Variants in CRIM1 observed in about 807,000 individuals in gnomAD.
The protein encoded by CRIM1 is cysteine rich transmembrane BMP regulator 1.
A neutral mutation model predicts 116.4 loss-of-function variants in CRIM1; 32 were observed. The ratio of observed to expected loss-of-function variants is 0.27; its 90% CI spans 0.21 to 0.37. CRIM1 has a LOEUF of 0.37. CRIM1 is among the 10% of genes least tolerant of loss of function. The pLI, the probability that CRIM1 is intolerant of heterozygous loss-of-function variation, is 1.00. For missense variants in CRIM1, 1,331 were observed against 1,354.8 expected, an observed-to-expected ratio of 0.98 and a Z score of 0.28; for synonymous variants, 590 against 509.2, an observed-to-expected ratio of 1.16 and a Z score of -2.13.
At chr2:36,444,808 A>G (rs954498654) in intron 4 of CRIM1, among the ~76,000 whole-genome samples, 1 of 151,990 alleles carries the variant, frequency 6.6e-6, no homozygotes, top group Admixed American at 6.6e-5. Context: ...AGTTGCCACT[A>G]CCTCTTCCCG....
chr2:36,360,917 A>G (rs1669184480), intron 1 of CRIM1, among the ~76,000 whole-genome samples: 1 of 152,128 alleles, frequency 6.6e-6, no homozygotes, highest in African/African-American at 2.4e-5. Context: ...AGAAGTCCTT[A>G]GGTAGACAGG....
At chr2:36,540,731 G>T (rs531097732) in intron 14 of CRIM1, among the ~76,000 whole-genome samples, 8 of 152,264 alleles carry the variant, frequency 5.3e-5, no homozygotes, top group African/African-American at 1.9e-4. Flanking sequence ...TGTGTAACAG[G>T]GTGGTGTGCA....
At position 36,517,625 on chromosome 2, in the gene CRIM1, G is replaced by T. The variant is rs78975863; in HGVS notation, c.2206+83G>T. On this transcript the variant is annotated intron_variant, in intron 12 of 16. Transcript: ENST00000280527. ...GTCATTCTGTGGGACCCACAGGGCA[G>T]GATCAGCCCCATATGGGAGTGTGCC... 16 of 1,398,644 alleles carry T rather than the reference G, an allele frequency of 1.1e-5. No homozygotes were observed. The South Asian group carries it at 1.5e-4, about 13-fold the overall frequency. The allele number at this position is 1,398,644 out of a possible 1,614,324, so 86.6% of individuals were successfully genotyped here. A position where few individuals can be genotyped will look rare whatever the true frequency, so the allele number is the denominator to read the frequency against.
chr2:36,510,746 A>G (rs1664610842), intron 9 of CRIM1, among the ~76,000 whole-genome samples: 1 of 152,020 alleles, frequency 6.6e-6, no homozygotes, highest in Non-Finnish European at 1.5e-5. Flanking sequence ...CCAGGGGGGG[A>G]AATAGACACT....
intron 13 of CRIM1, chr2:36,529,077 G>A (rs1665945249): frequency 4.2e-6 from 2 of 470,798 alleles, no homozygotes; most frequent in South Asian, 3.1e-5. Flanking sequence ...GAGCTCTGCT[G>A]CACGGAAGTT....
chr2:36,510,943 T>TC (rs1407803190), intron 9 of CRIM1, among the ~76,000 whole-genome samples: 2 of 150,006 alleles, frequency 1.3e-5, no homozygotes, highest in African/African-American at 4.9e-5. Context: ...TTTTTTTTTT[T>TC]CAGGCAGGGT....
chr2:36,516,242 T>A (rs1665024326), intron 11 of CRIM1, among the ~76,000 whole-genome samples: 1 of 152,194 alleles, frequency 6.6e-6, no homozygotes, highest in Non-Finnish European at 1.5e-5. Context: ...AGATTTCAGC[T>A]CTGAGCATCT....
At chr2:36,466,681 C>G (rs1678061395) in intron 5 of CRIM1, among the ~76,000 whole-genome samples, 1 of 152,214 alleles carries the variant, frequency 6.6e-6, no homozygotes. Flanking sequence ...ATCTGCCTCA[C>G]AGAGGACACC....
intron 5 of CRIM1, among the ~76,000 whole-genome samples, chr2:36,469,257 C>A (rs372057021): frequency 2.8e-4 from 43 of 152,250 alleles, no homozygotes; most frequent in South Asian, 2.5e-3. Flanking sequence ...AAAGCAACTT[C>A]AGGGGGTTAT....
In CRIM1 at chr2:36,370,442, A is replaced by G. The variant is rs116617087; in HGVS notation, c.331+13819A>G. ...CAGCAACCAAGTTTATTGACTGTCT[A>G]TTCAGGAAATTGTATTAGTTGCTTT... On this transcript the variant is annotated intron_variant, in intron 1 of 16. Transcript: ENST00000280527. Among the ~76,000 whole-genome samples the G allele has an allele frequency of 2.4e-3, 360 of 152,274 alleles. 3 individuals are homozygous for G. The highest frequency in any genetic ancestry group is 8.3e-3 in the African/African-American group (344 of 41,560).
Position 36,464,664 on chromosome 2 carries a change from G to A in CRIM1, c.991+9G>A, listed in dbSNP as rs1337725083. 1.2e-6 allele frequency: 2 copies of A among 1,613,804 alleles called. No homozygotes were observed. Among genetic ancestry groups the A allele is most frequent in the African/African-American group, 1.3e-5 (1 of 75,032 alleles). On this transcript the variant is annotated intron_variant, in intron 5 of 16. Transcript: ENST00000280527. ...CTTTGAATGTGTTAATGGTACGTGGGGTTTCTCTTGTTCTCAGAGAGTGTA... is the reference window on the plus strand; with the variant it reads ...CTTTGAATGTGTTAATGGTACGTGGAGTTTCTCTTGTTCTCAGAGAGTGTA...
In CRIM1 at chr2:36,522,395, A is replaced by G. The variant is rs1665455304; in HGVS notation, c.2428+82A>G. 3.5e-6 allele frequency: 4 copies of G among 1,135,824 alleles called. No homozygotes were observed. The Admixed American group carries it at 7.0e-5, about 20-fold the overall frequency. 70.4% of individuals were successfully genotyped at this position (1,135,824 alleles called of 1,614,324 possible). On this transcript the variant is annotated intron_variant, in intron 13 of 16. Transcript: ENST00000280527. ...TGACAGCCATTTGCTAGATCAATTA[A>G]TATTTTTGAAACTGGTTTTTTCCCT...
Position 36,537,488 on chromosome 2 carries a change from C to G in CRIM1, c.2565C>G (p.Pro855=), listed in dbSNP as rs148256222. The G allele has an allele frequency of 1.4e-5, 23 of 1,614,084 alleles. No individual in the cohort carries two copies. The African/African-American group carries it at 2.7e-4, about 19-fold the overall frequency. ...GQTLCSTVSC[P]PLPCVEPINV... The stretch of plus-strand genomic sequence containing the variant: ...CCCTCTGCTCGACCGTCAGCTGCCC[C>G]CCTCTGCCCTGTGTTGAGCCCATCA... The change falls in exon 14 of 17, where the codon CCC becomes CCG. Residue 855 remains proline (P), a synonymous_variant. Coordinates refer to ENST00000280527, the MANE Select transcript of CRIM1 (RefSeq NM_016441.3).
At chr2:36,357,552 G>C (rs990612711) in intron 1 of CRIM1, among the ~76,000 whole-genome samples, 1 of 152,212 alleles carries the variant, frequency 6.6e-6, no homozygotes, top group Non-Finnish European at 1.5e-5. Context: ...CTGCCCGCTT[G>C]CGTCGGCCTT....
At chr2:36,529,265 A>T (rs541170614) in intron 13 of CRIM1, 10 of 468,256 alleles carry the variant, frequency 2.1e-5, no homozygotes, top group Middle Eastern at 3.3e-4. Context: ...GAGTCTTCTT[A>T]ACAGGACTTG....
chr2:36,425,798 A>T (rs1674403424), intron 2 of CRIM1, among the ~76,000 whole-genome samples: 1 of 152,228 alleles, frequency 6.6e-6, no homozygotes, highest in African/African-American at 2.4e-5. Flanking sequence ...ACCATGAATT[A>T]TACAAGATTT....
At chr2:36,365,545 T>G (rs1669532016) in intron 1 of CRIM1, among the ~76,000 whole-genome samples, 1 of 152,202 alleles carries the variant, frequency 6.6e-6, no homozygotes, top group South Asian at 2.1e-4. Flanking sequence ...CTCCCAGTCA[T>G]TCTAGCCATC....
Position 36,401,150 on chromosome 2 carries a change from T to G in CRIM1, c.505+4363T>G, listed in dbSNP as rs573031585. ...TTCAATGTTATAGACTTATGGAGAA[T>G]ACTGGAAATTTCTGGGCATTGAAAA... On this transcript the variant is annotated intron_variant, in intron 2 of 16. Coordinates refer to ENST00000280527, the MANE Select transcript of CRIM1 (RefSeq NM_016441.3). Among the ~76,000 whole-genome samples the G allele has an allele frequency of 1.3e-4, 20 of 152,320 alleles. No homozygotes were observed. The South Asian group carries it at 4.1e-3, about 32-fold the overall frequency.
At chr2:36,470,947 A>G (rs1029251698) in intron 5 of CRIM1, among the ~76,000 whole-genome samples, 3 of 152,208 alleles carry the variant, frequency 2.0e-5, no homozygotes, top group Non-Finnish European at 4.4e-5. Flanking sequence ...ATTAACATGG[A>G]GTTTGGAAGA....
Sources: gnomAD v4.1 joint callset for allele counts (sites outside exome capture counted in the v4.1 genomes callset) on GRCh38, gnomAD v4.1.1 for gene constraint, MANE v1.5 for transcripts, NCBI Gene and HGNC (gene_info 2026-07-23, HGNC 2026-07-21) for gene names.